ZER1: variants seen among roughly 807,000 people sequenced by gnomAD.
ZER1 encodes the protein protein zer-1 homolog.
A neutral mutation model predicts 78.8 loss-of-function variants in ZER1; 11 were observed. The observed-to-expected ratio is 0.14, with a 90% CI of 0.09 to 0.23. The LOEUF is 0.23. Among genes scored for constraint, ZER1 ranks in the 10% least tolerant of loss-of-function variants. The pLI, the probability that ZER1 is intolerant of heterozygous loss-of-function variation, is 1.00. For missense variants in ZER1, 588 were observed against 996.9 expected (o/e 0.59, Z 5.52); for synonymous variants, 400 against 407.0 (o/e 0.98, Z 0.21).
intron 8 of ZER1, among the ~76,000 whole-genome samples, chr9:128,749,111 T>G (rs892280549): frequency 2.0e-5 from 3 of 149,612 alleles, no homozygotes; most frequent in Non-Finnish European, 4.4e-5. Flanking sequence ...GTGGATCACC[T>G]GAGCTCAGGA....
rs1479086372 is a variant in ZER1, at chr9:128,771,883, G to A, written c.-397C>T. The stretch of plus-strand genomic sequence containing the variant: ...GCCCCTCCCCCGATCCGGCTCCTAC[G>A]GCTCGGAGCCTGCAGCCGCCGCCGC... On this transcript the variant is annotated 5_prime_UTR_variant, in exon 1 of 16. Coordinates refer to ENST00000291900, the MANE Select transcript of ZER1 (RefSeq NM_006336.4). 6.6e-6 allele frequency: 1 copy of A among 152,340 alleles called. No homozygotes were observed. Among genetic ancestry groups the A allele is most frequent in the Admixed American group, 6.5e-5 (1 of 15,282 alleles). 9.4% of individuals were successfully genotyped at this position (152,340 alleles called of 1,614,324 possible).
chr9:128,742,626 C>T lies in ZER1; in HGVS notation c.1479G>A (p.Glu493=), dbSNP rs773725126. Residue 493 remains glutamate, a synonymous_variant, in exon 9 of 16, where the codon GAG becomes GAA. Coordinates refer to ENST00000291900, the MANE Select transcript of ZER1 (RefSeq NM_006336.4). The part of the protein sequence containing the change: ...LSILNPTRQD[E]SIQRIAVHLC... The stretch of plus-strand genomic sequence containing the variant: ...GGTGCACGGCGATCCGCTGGATAGA[C>T]TCGTCCTGCCGCGTGGGGTTGAGGA... 2 of 1,614,252 alleles carry T rather than the reference C, an allele frequency of 1.2e-6. No homozygotes were observed. Among genetic ancestry groups the T allele is most frequent in the South Asian group, 2.2e-5 (2 of 91,088 alleles).
chr9:128,736,402 T>G (rs892166793), intron 13 of ZER1, among the ~76,000 whole-genome samples: 1 of 150,910 alleles, frequency 6.6e-6, no homozygotes, highest in African/African-American at 2.4e-5. Flanking sequence ...TCTTTGTTTT[T>G]TTTTTTTTTG....
At chr9:128,739,363 C>T (rs999994999) in intron 13 of ZER1, among the ~76,000 whole-genome samples, 7 of 151,512 alleles carry the variant, frequency 4.6e-5, no homozygotes, top group Non-Finnish European at 8.8e-5. Context: ...ATTAACCGGG[C>T]GTGGTGGCGG....
intron 15 of ZER1, 65 bp downstream of exon 15, chr9:128,733,361 C>T (rs1862903702): frequency 2.3e-5 from 33 of 1,434,450 alleles, no homozygotes; most frequent in South Asian, 2.2e-4. Flanking sequence ...CTCCAGAGGG[C>T]GCCCGCTATG....
chr9:128,765,345 G>A lies in ZER1; in HGVS notation c.-95+6236C>T, dbSNP rs118136606. Among the ~76,000 whole-genome samples, 910 of 152,298 alleles carry A rather than the reference G, an allele frequency of 6.0e-3. 2 individuals carry two copies. The highest frequency in any genetic ancestry group is 0.01 in the Non-Finnish European group (686 of 68,040). On this transcript the variant is annotated intron_variant, in intron 1 of 15. Transcript: ENST00000291900. ...ATAGAACAAAGGTTTGCTGTGGCTG[G>A]AATTCCCTTACTCTAGTACTGCAAG... is the stretch of plus-strand genomic sequence containing the variant.
intron 8 of ZER1, among the ~76,000 whole-genome samples, chr9:128,745,690 G>C (rs2132425571): frequency 6.6e-6 from 1 of 151,838 alleles, no homozygotes; most frequent in East Asian, 1.9e-4. Context: ...TCTCTCTGTT[G>C]CCCAGCCTGG....
chr9:128,770,395 G>T (rs1426860316), intron 1 of ZER1, among the ~76,000 whole-genome samples: 1 of 152,114 alleles, frequency 6.6e-6, no homozygotes, highest in African/African-American at 2.4e-5. Context: ...CTCCCAAAGT[G>T]CTGGGATTAC....
In ZER1 at chr9:128,739,043, G is replaced by T. The variant is rs138255696; in HGVS notation, c.2042+888C>A. On this transcript the variant is annotated intron_variant, in intron 13 of 15. Coordinates refer to ENST00000291900, the MANE Select transcript of ZER1 (RefSeq NM_006336.4). Reference sequence around the variant, plus strand: ...ATTTTTGTATTTTTAGTAGGGACGGGGTTTCACCATGTTGGGCAGGCTGGT... The same window carrying T: ...ATTTTTGTATTTTTAGTAGGGACGGTGTTTCACCATGTTGGGCAGGCTGGT... 3.2e-3 allele frequency among the ~76,000 whole-genome samples: 488 copies of T among 151,128 alleles called. 9 individuals are homozygous for T. The East Asian group carries it at 0.034, about 10-fold the overall frequency.
At chr9:128,756,128 A>G (rs1863850399) in intron 1 of ZER1, among the ~76,000 whole-genome samples, 2 of 152,206 alleles carry the variant, frequency 1.3e-5, no homozygotes, top group Non-Finnish European at 2.9e-5. Context: ...TCCTTACAAG[A>G]GCAATGAAAA....
Position 128,740,541 on chromosome 9 carries a change from C to T in ZER1, c.1853+231G>A, listed in dbSNP as rs1863255388. ...CTTGCAGTGAGCCTAGATTGTGCCA[C>T]TGCACTTCAGCCTGGGTGACAGAGC... is the stretch of plus-strand genomic sequence containing the variant. On this transcript the variant is annotated intron_variant, in intron 12 of 15. Coordinates refer to ENST00000291900, the MANE Select transcript of ZER1 (RefSeq NM_006336.4). The surrounding 1 kb of genome is among the most constrained non-coding windows in gnomAD (Gnocchi z 4.4). 6.7e-6 allele frequency among the ~76,000 whole-genome samples: 1 copy of T among 150,254 alleles called. No individual in the cohort carries two copies. Among genetic ancestry groups the T allele is most frequent in the African/African-American group, 2.5e-5 (1 of 40,592 alleles).
intron 7 of ZER1, 80 bp from the exon 8 acceptor site, chr9:128,750,869 T>A: frequency 6.4e-7 from 1 of 1,572,134 alleles, no homozygotes; most frequent in Non-Finnish European, 8.7e-7. Flanking sequence ...ACAGGCTCTC[T>A]GGGGCAAGGT....
At chr9:128,741,943 C>T in intron 9 of ZER1, 102 bp from the exon 10 acceptor site, 1 of 1,483,622 alleles carries the variant, frequency 6.7e-7, no homozygotes, top group Non-Finnish European at 9.4e-7. Context: ...ATGGCTAGTT[C>T]AGGAGTCTTG....
chr9:128,734,144 A>AAAAAAAAATATATATATATATATAT, intron 14 of ZER1, among the ~76,000 whole-genome samples: 1 of 14,448 alleles, frequency 6.9e-5, no homozygotes, highest in Non-Finnish European at 1.4e-4. Flanking sequence ...AAAAAAAAAA[A>AAAAAAAAATATATATATATATATAT]ATATATATAT....
intron 8 of ZER1, among the ~76,000 whole-genome samples, chr9:128,749,014 T>C (rs1435835348): frequency 1.4e-5 from 2 of 146,322 alleles, no homozygotes; most frequent in African/African-American, 2.5e-5. Flanking sequence ...CCTGAGACCC[T>C]GTCTTAATTA....
At chr9:128,771,394 A>G (rs1401078235) in intron 1 of ZER1, among the ~76,000 whole-genome samples, 187 bp downstream of exon 1, 2 of 152,118 alleles carry the variant, frequency 1.3e-5, no homozygotes, top group Non-Finnish European at 2.9e-5. Flanking sequence ...TTCTTTCTGG[A>G]GGAAGGGAGC....
In ZER1 at chr9:128,755,229, C is replaced by A. The variant is rs908854018; in HGVS notation, c.158+179G>T. Among the ~76,000 whole-genome samples the A allele has an allele frequency of 2.0e-5, 3 of 152,000 alleles. No homozygotes were observed. Among genetic ancestry groups the A allele is most frequent in the African/African-American group, 7.3e-5 (3 of 41,370 alleles). ...CACACCAACACACACACATATACAC[C>A]TTTACGGTTATGGATACACCACTAT... On this transcript the variant is annotated intron_variant, in intron 2 of 15. Coordinates refer to ENST00000291900, the MANE Select transcript of ZER1 (RefSeq NM_006336.4). This position sits in a 1 kb window ranked among gnomAD's most constrained non-coding sequence, Gnocchi z 5.6.
intron 14 of ZER1, among the ~76,000 whole-genome samples, chr9:128,733,759 C>T (rs1281045942): frequency 2.0e-5 from 3 of 149,074 alleles, no homozygotes; most frequent in Admixed American, 1.3e-4. Context: ...GAAGTTGCTG[C>T]ATTTATTTCC....
In ZER1 at chr9:128,751,223, C is replaced by A; in HGVS notation, c.1084G>T (p.Ala362Ser). 2 of 1,604,162 alleles carry A rather than the reference C, an allele frequency of 1.2e-6. No individual in the cohort carries two copies. The highest frequency in any genetic ancestry group is 8.5e-7 in the Non-Finnish European group (1 of 1,172,156). Residue 362 changes from alanine (A) to serine (S), a missense_variant, in exon 7 of 16, where the codon GCC becomes TCC. Transcript: ENST00000291900. This position sits in a 1 kb window ranked among gnomAD's most constrained non-coding sequence, Gnocchi z 5.4. ...ATCTCAGGCCGGTGCTCCGTGTAGG[C>A]CTCGATGGCATTCAGCACCTGCTCT... Reference protein sequence around the residue: ...NEEQVLNAIEAYTEHRPEITS... With the variant: ...NEEQVLNAIESYTEHRPEITS...
Sources: gnomAD v4.1 joint callset for allele counts (sites outside exome capture counted in the v4.1 genomes callset) on GRCh38, gnomAD v4.1.1 for gene constraint, Gnocchi (gnomAD v3.1) non-coding constraint, MANE v1.5 for transcripts, NCBI Gene and HGNC (gene_info 2026-07-23, HGNC 2026-07-21) for gene names.